LHFPL3: variants seen among roughly 807,000 people sequenced by gnomAD.
LHFPL3 encodes LHFPL tetraspan subfamily member 3 protein.
A neutral mutation model predicts 19.3 loss-of-function variants in LHFPL3; 5 were observed. The ratio of observed to expected loss-of-function variants is 0.26; its 90% CI spans 0.14 to 0.54. LHFPL3 has a LOEUF of 0.54. LHFPL3 is among the 20% of genes least tolerant of loss of function. The pLI is 0.94. For missense variants in LHFPL3, 249 were observed against 307.4 expected (o/e 0.81, Z 1.42); for synonymous variants, 133 against 126.2 (o/e 1.05, Z -0.36).
At position 104,830,528 on chromosome 7, in the gene LHFPL3, T is replaced by C. The variant is rs1006751567; in HGVS notation, c.683-75659T>C. 2.5e-3 allele frequency among the ~76,000 whole-genome samples: 380 copies of C among 151,976 alleles called. 2 individuals carry two copies. The highest frequency in any genetic ancestry group is 3.5e-3 in the Non-Finnish European group (238 of 67,976). On this transcript the variant is annotated intron_variant, in intron 2 of 2. Coordinates refer to ENST00000424859, the MANE Select transcript of LHFPL3 (RefSeq NM_199000.3). ...TTTTGTATAAGGTGTAAGGAAGGGA[T>C]CCAGTTTCAGCTTTCTACATATGGC...
chr7:104,697,492 G>C (rs754308291), intron 1 of LHFPL3, among the ~76,000 whole-genome samples: 1 of 152,140 alleles, frequency 6.6e-6, no homozygotes, highest in Non-Finnish European at 1.5e-5. Flanking sequence ...AATAAATATA[G>C]AATGATTGTT....
At chr7:104,683,878 C>G (rs1014895802) in intron 1 of LHFPL3, among the ~76,000 whole-genome samples, 2 of 152,090 alleles carry the variant, frequency 1.3e-5, no homozygotes, top group African/African-American at 4.8e-5. Context: ...TAAACCCTTC[C>G]TCAATTTTGG....
intron 1 of LHFPL3, among the ~76,000 whole-genome samples, chr7:104,404,875 A>G (rs1791385750): frequency 6.6e-6 from 1 of 152,196 alleles, no homozygotes. Flanking sequence ...TTGTCCATGT[A>G]GGTCAAGTAA....
intron 2 of LHFPL3, among the ~76,000 whole-genome samples, chr7:104,771,104 A>C (rs1794542693): frequency 6.6e-6 from 1 of 152,108 alleles, no homozygotes; most frequent in African/African-American, 2.4e-5. Context: ...CAGCCCTTCC[A>C]GTTCTTTCTC....
chr7:104,775,960 A>C (rs1402628422), intron 2 of LHFPL3, among the ~76,000 whole-genome samples: 1 of 152,148 alleles, frequency 6.6e-6, no homozygotes, highest in Non-Finnish European at 1.5e-5. Flanking sequence ...TTTGTATCAG[A>C]ATCTTGGAAT....
intron 1 of LHFPL3, among the ~76,000 whole-genome samples, chr7:104,489,450 C>T (rs1793298635): frequency 6.6e-6 from 1 of 151,718 alleles, no homozygotes; most frequent in South Asian, 2.1e-4. Context: ...AGCACAGAGC[C>T]TAATGAAGTC....
rs1791034088 is a variant in LHFPL3 at position 104,603,851 on chromosome 7, T to C, written c.446-132824T>C. 2.0e-5 allele frequency among the ~76,000 whole-genome samples: 3 copies of C among 152,124 alleles called. No homozygotes were observed. In the South Asian group the frequency reaches 6.2e-4, roughly 32 times the overall value. ...GCCCCACATGCTGGGCACACTGGGG[T>C]GGGGGTTGAGCCACCCCAAGGCCTC... On this transcript the variant is annotated intron_variant, in intron 1 of 2. Transcript: ENST00000424859.
At chr7:104,444,766 A>T (rs1407084246) in intron 1 of LHFPL3, among the ~76,000 whole-genome samples, 11 of 152,130 alleles carry the variant, frequency 7.2e-5, no homozygotes, top group Non-Finnish European at 1.2e-4. Flanking sequence ...AGGCAGGCAG[A>T]TCACCTGAGG....
intron 1 of LHFPL3, among the ~76,000 whole-genome samples, chr7:104,594,812 C>A (rs548754481): frequency 1.3e-5 from 2 of 152,288 alleles, no homozygotes; most frequent in Admixed American, 6.5e-5. Context: ...GATACCCTTT[C>A]TTCCACTTGA....
chr7:104,818,293 G>A (rs1790604650), intron 2 of LHFPL3, among the ~76,000 whole-genome samples: 1 of 151,856 alleles, frequency 6.6e-6, no homozygotes, highest in Non-Finnish European at 1.5e-5. Context: ...AACATGGGCA[G>A]GAAGTTGTCT....
intron 1 of LHFPL3, among the ~76,000 whole-genome samples, chr7:104,496,017 G>C (rs916014216): frequency 6.6e-6 from 1 of 151,910 alleles, no homozygotes; most frequent in South Asian, 2.1e-4. Context: ...TGTGCACAAC[G>C]TGCAGGTTTG....
intron 2 of LHFPL3, among the ~76,000 whole-genome samples, chr7:104,793,451 T>C (rs759139737): frequency 6.6e-5 from 10 of 152,222 alleles, no homozygotes; most frequent in African/African-American, 2.2e-4. Flanking sequence ...TCCAGTGATA[T>C]TTCTGACTCT....
intron 1 of LHFPL3, among the ~76,000 whole-genome samples, chr7:104,423,802 C>T (rs577399146): frequency 6.6e-6 from 1 of 151,668 alleles, no homozygotes; most frequent in South Asian, 2.1e-4. Context: ...GATCATGCCA[C>T]TGCACTCAGC....
intron 1 of LHFPL3, among the ~76,000 whole-genome samples, chr7:104,514,809 T>C (rs1264476612): frequency 2.0e-5 from 3 of 152,174 alleles, no homozygotes; most frequent in Non-Finnish European, 4.4e-5. Context: ...TCTAGGGTGA[T>C]TGAATATGCA....
At position 104,817,967 on chromosome 7, in the gene LHFPL3, C is replaced by T. The variant is rs1391709403; in HGVS notation, c.682+81056C>T. On this transcript the variant is annotated intron_variant, in intron 2 of 2. Coordinates refer to ENST00000424859, the MANE Select transcript of LHFPL3 (RefSeq NM_199000.3). ...TTCATTTCCAATGTAGTTGCACTAG[C>T]TACATTTCAAGTGCTCCATAGGTAC... Among the ~76,000 whole-genome samples the T allele has an allele frequency of 2.0e-5, 3 of 152,156 alleles. No individual in the cohort carries two copies. The East Asian group carries it at 5.8e-4, about 29-fold the overall frequency.
At chr7:104,687,609 G>A (rs12705264) in intron 1 of LHFPL3, among the ~76,000 whole-genome samples, 75,321 of 151,986 alleles carry the variant, frequency 0.5, 19,051 homozygotes, top group East Asian at 0.59. Context: ...GAGATTACAT[G>A]GGTTTTAGGA....
intron 1 of LHFPL3, among the ~76,000 whole-genome samples, chr7:104,366,704 A>G (rs888685702): frequency 2.6e-5 from 4 of 152,202 alleles, no homozygotes; most frequent in African/African-American, 4.8e-5. Context: ...ATACAAAATT[A>G]TATTCTCCTG....
At chr7:104,402,096 A>C (rs1019908537) in intron 1 of LHFPL3, among the ~76,000 whole-genome samples, 1 of 151,856 alleles carries the variant, frequency 6.6e-6, no homozygotes, top group African/African-American at 2.4e-5. Context: ...ACTAAAAAAA[A>C]AAAAACAAAA....
At chr7:104,571,092 T>C (rs888731238) in intron 1 of LHFPL3, among the ~76,000 whole-genome samples, 4 of 152,210 alleles carry the variant, frequency 2.6e-5, no homozygotes, top group African/African-American at 9.7e-5. Flanking sequence ...TTTGATTATA[T>C]TTCACATTCA....
Sources: gnomAD v4.1 joint callset for allele counts (sites outside exome capture counted in the v4.1 genomes callset) on GRCh38, gnomAD v4.1.1 for gene constraint, MANE v1.5 for transcripts, NCBI Gene and HGNC (gene_info 2026-07-23, HGNC 2026-07-21) for gene names.